The following MACROD2 variants were observed in gnomAD, a reference collection of about 807,000 sequenced individuals.
MACROD2 encodes ADP-ribose glycohydrolase MACROD2.
MACROD2 carries 36 observed loss-of-function variants against 70.4 expected under a neutral mutation model. The ratio of observed to expected loss-of-function variants is 0.51; its 90% confidence interval spans 0.39 to 0.68. The LOEUF (loss-of-function observed/expected upper bound fraction) is 0.68. Ranked by LOEUF, MACROD2 falls within the 30% of genes least tolerant of loss-of-function variation. The pLI is 0.00. For synonymous variants in MACROD2, 172 were observed against 178.8 expected (o/e 0.96, Z 0.30); for missense variants, 496 against 538.4 (o/e 0.92, Z 0.78).
At chr20:14,162,622 C>T (rs1212843620) in intron 3 of MACROD2, among the ~76,000 whole-genome samples, 1 of 150,900 alleles carries the variant, frequency 6.6e-6, no homozygotes, top group African/African-American at 2.4e-5. Flanking sequence ...TAATGATGAC[C>T]TTTTTTTTTC....
At chr20:14,442,173 G>A (rs2084131301) in intron 3 of MACROD2, among the ~76,000 whole-genome samples, 1 of 152,114 alleles carries the variant, frequency 6.6e-6, no homozygotes, top group Admixed American at 6.5e-5. Flanking sequence ...AGAAGGCTGA[G>A]ACAGGGGAAT....
At chr20:14,593,246 G>A (rs1405439686) in intron 4 of MACROD2, among the ~76,000 whole-genome samples, 1 of 151,978 alleles carries the variant, frequency 6.6e-6, no homozygotes, top group Non-Finnish European at 1.5e-5. Flanking sequence ...AAATTTTTTT[G>A]GGCTAAGTTT....
chr20:15,795,453 C>T (rs758377443), intron 8 of MACROD2, among the ~76,000 whole-genome samples: 5 of 151,776 alleles, frequency 3.3e-5, no homozygotes, highest in East Asian at 1.9e-4. Context: ...CACTCAGAGC[C>T]AAGGGGAGTG....
intron 8 of MACROD2, among the ~76,000 whole-genome samples, chr20:15,525,822 C>T (rs2047713912): frequency 6.6e-6 from 1 of 152,112 alleles, no homozygotes; most frequent in African/African-American, 2.4e-5. Context: ...ATATCCTTTG[C>T]TCACACAATG....
intron 8 of MACROD2, among the ~76,000 whole-genome samples, chr20:15,781,558 G>GTCCCCAC (rs2051832729): frequency 6.6e-6 from 1 of 152,050 alleles, no homozygotes; most frequent in Non-Finnish European, 1.5e-5. Context: ...TGCATCTCTG[G>GTCCCCAC]AGGGGAAGAA....
chr20:15,045,676 G>A (rs115856131), intron 5 of MACROD2, among the ~76,000 whole-genome samples: 2,352 of 144,294 alleles, frequency 0.016, 63 homozygotes, highest in African/African-American at 0.057. Flanking sequence ...CAAACAAATT[G>A]GTTTATTCTG....
chr20:14,279,444 A>AT (rs73619827), intron 3 of MACROD2, among the ~76,000 whole-genome samples: 25,919 of 151,530 alleles, frequency 0.17, 2,569 homozygotes, highest in South Asian at 0.26. Flanking sequence ...CCTTAAGTTG[A>AT]TTTTTTTTTC....
At chr20:14,442,490 C>T (rs2084134593) in intron 3 of MACROD2, among the ~76,000 whole-genome samples, 1 of 151,974 alleles carries the variant, frequency 6.6e-6, no homozygotes, top group African/African-American at 2.4e-5. Flanking sequence ...TATTTTGATG[C>T]CAAAGTGAAA....
At chr20:14,001,904 C>G (rs2052737591) in intron 1 of MACROD2, among the ~76,000 whole-genome samples, 1 of 152,174 alleles carries the variant, frequency 6.6e-6, no homozygotes, top group Admixed American at 6.5e-5. Flanking sequence ...GACCCAATTA[C>G]CTCCCACTAG....
At chr20:15,052,063 C>T (rs1372337999) in intron 5 of MACROD2, among the ~76,000 whole-genome samples, 29 of 152,030 alleles carry the variant, frequency 1.9e-4, no homozygotes, top group Admixed American at 1.9e-3. Flanking sequence ...CCTATACCAT[C>T]TTTTTATAAT....
chr20:14,610,823 A>G (rs1030789502), intron 4 of MACROD2, among the ~76,000 whole-genome samples: 1 of 152,088 alleles, frequency 6.6e-6, no homozygotes, highest in South Asian at 2.1e-4. Flanking sequence ...TGCAAATGTA[A>G]GGTATTTTTA....
intron 5 of MACROD2, among the ~76,000 whole-genome samples, chr20:14,780,193 C>G (rs1467734700): frequency 1.3e-5 from 2 of 151,848 alleles, no homozygotes; most frequent in Non-Finnish European, 2.9e-5. Context: ...GACCTTGTTT[C>G]AAAAAAGCAA....
intron 15 of MACROD2, among the ~76,000 whole-genome samples, chr20:16,040,803 G>A (rs1479458751): frequency 1.3e-5 from 2 of 151,902 alleles, no homozygotes; most frequent in African/African-American, 4.8e-5. Flanking sequence ...TCATGCCTAA[G>A]GCAAAATTCA....
chr20:14,375,095 A>C (rs1292133468), intron 3 of MACROD2, among the ~76,000 whole-genome samples: 2 of 152,136 alleles, frequency 1.3e-5, no homozygotes, highest in Non-Finnish European at 2.9e-5. Context: ...CTTTTGAATC[A>C]GAATGGAAGG....
intron 5 of MACROD2, among the ~76,000 whole-genome samples, chr20:14,988,352 T>G (rs2074868048): frequency 3.1e-5 from 2 of 64,210 alleles, no homozygotes; most frequent in South Asian, 1.5e-3. Context: ...AATGAGACTC[T>G]GTCAAAAAAA....
chr20:15,329,972 A>G lies in MACROD2; in HGVS notation c.540+99911A>G, dbSNP rs182892645. Among the ~76,000 whole-genome samples, 88 of 152,156 alleles carry G rather than the reference A, an allele frequency of 5.8e-4. 2 individuals carry two copies. The highest frequency in any genetic ancestry group is 5.1e-3 in the Admixed American group (78 of 15,258). On this transcript the variant is annotated intron_variant, in intron 6 of 17. Coordinates refer to ENST00000684519, the MANE Select transcript of MACROD2 (RefSeq NM_001351661.2). ...GGTGCCTTCGCTATACCCAGAAGAA[A>G]CATCCTTATCTCTGAAGACACCGGG...
At chr20:15,471,866 T>G (rs2046968021) in intron 7 of MACROD2, among the ~76,000 whole-genome samples, 1 of 152,160 alleles carries the variant, frequency 6.6e-6, no homozygotes, top group South Asian at 2.1e-4. Flanking sequence ...TCTGATCACT[T>G]TTCATTCCCC....
chr20:14,714,911 T>C (rs112112537), intron 5 of MACROD2, among the ~76,000 whole-genome samples: 6,238 of 152,336 alleles, frequency 0.041, 180 homozygotes, highest in Non-Finnish European at 0.059. Flanking sequence ...TTTTGTTCTT[T>C]ATTTAATTCA....
chr20:14,202,220 T>C (rs1175063546), intron 3 of MACROD2, among the ~76,000 whole-genome samples: 1 of 152,198 alleles, frequency 6.6e-6, no homozygotes, highest in Non-Finnish European at 1.5e-5. Flanking sequence ...TTTTCTTTTC[T>C]TCACCCAAAG....
Sources: gnomAD v4.1 joint callset for allele counts (sites outside exome capture counted in the v4.1 genomes callset) on GRCh38, gnomAD v4.1.1 for gene constraint, MANE v1.5 for transcripts, NCBI Gene and HGNC (gene_info 2026-07-23, HGNC 2026-07-21) for gene names.